ARL6IP5: variants seen among roughly 807,000 people sequenced by gnomAD.
ARL6IP5 encodes the protein ARF like GTPase 6 interacting protein 5.
In ARL6IP5, 6 loss-of-function variants were observed where a neutral mutation model predicts 13.0. The ratio of observed to expected loss-of-function variants is 0.46; its 90% confidence interval spans 0.25 to 0.91. The LOEUF is 0.91. ARL6IP5 is among the 40% of genes least tolerant of loss of function. The probability of loss-of-function intolerance (pLI) is 0.17; values close to 1 mark genes in which losing one functional copy is unlikely to be tolerated. For missense variants in ARL6IP5, 208 were observed against 248.8 expected (o/e 0.84, Z 1.10); for synonymous variants, 91 against 91.9 (o/e 0.99, Z 0.06).
chr3:69,103,821 A>G (rs548191999), intron 2 of ARL6IP5, among the ~76,000 whole-genome samples: 8 of 152,302 alleles, frequency 5.3e-5, no homozygotes, highest in Non-Finnish European at 1.0e-4. Context: ...TTACCTGTTT[A>G]AAATACAGAT....
chr3:69,087,909 C>T (rs568994033), intron 1 of ARL6IP5, among the ~76,000 whole-genome samples: 1 of 152,184 alleles, frequency 6.6e-6, no homozygotes, highest in Non-Finnish European at 1.5e-5. Flanking sequence ...ACTATAAGCA[C>T]AGTCAGTAGT....
chr3:69,103,638 G>C (rs561089903), intron 2 of ARL6IP5, among the ~76,000 whole-genome samples: 6 of 152,128 alleles, frequency 3.9e-5, no homozygotes, highest in African/African-American at 1.4e-4. Flanking sequence ...ACCTACATCA[G>C]AATCATCTGG....
chr3:69,098,083 CT>C (rs202107411), intron 1 of ARL6IP5, among the ~76,000 whole-genome samples: 16 of 147,016 alleles, frequency 1.1e-4, no homozygotes, highest in South Asian at 2.2e-4. Flanking sequence ...ATTTCTATTT[CT>C]TTTTTTTTTG....
At position 69,085,070 on chromosome 3, in the gene ARL6IP5, T is replaced by A; in HGVS notation, c.23T>A (p.Leu8His). 1.9e-6 allele frequency: 3 copies of A among 1,614,050 alleles called. No individual in the cohort carries two copies. Among genetic ancestry groups the A allele is most frequent in the Non-Finnish European group, 2.5e-6 (3 of 1,179,994 alleles). The change falls in exon 1 of 3, where the codon CTC becomes CAC. Residue 8 changes from leucine to histidine, a missense_variant. By Grantham distance (99) the Leu-to-His change is moderately conservative. Coordinates refer to ENST00000273258, the MANE Select transcript of ARL6IP5 (RefSeq NM_006407.4). ...AACATGGACGTTAATATCGCCCCAC[T>A]CCGCGCCTGGGACGATTTCTTCCCG... is the stretch of plus-strand genomic sequence containing the variant. MDVNIAP[L>H]RAWDDFFPGS...
intron 1 of ARL6IP5, among the ~76,000 whole-genome samples, chr3:69,087,536 A>G (rs1010040692): frequency 1.3e-5 from 2 of 152,168 alleles, no homozygotes; most frequent in African/African-American, 4.8e-5. Context: ...ACCAGGCACA[A>G]GCTCAGACAG....
At chr3:69,091,654 C>CTTTT (rs529198443) in intron 1 of ARL6IP5, among the ~76,000 whole-genome samples, 3 of 105,754 alleles carry the variant, frequency 2.8e-5, no homozygotes, top group Admixed American at 9.9e-5. Context: ...CTCCGTCCAG[C>CTTTT]TTTTTTTTTT....
At chr3:69,102,894 T>G (rs1017271643) in intron 2 of ARL6IP5, among the ~76,000 whole-genome samples, 2 of 152,172 alleles carry the variant, frequency 1.3e-5, no homozygotes, top group African/African-American at 4.8e-5. Context: ...TTACATGAAT[T>G]ATTTACTAAG....
chr3:69,086,247 G>A (rs2092247102), intron 1 of ARL6IP5, among the ~76,000 whole-genome samples: 1 of 152,200 alleles, frequency 6.6e-6, no homozygotes, highest in African/African-American at 2.4e-5. Flanking sequence ...TCTTCAGTTG[G>A]CTCGCAGTTA....
At chr3:69,091,654 CT>C (rs529198443) in intron 1 of ARL6IP5, among the ~76,000 whole-genome samples, 21,550 of 105,684 alleles carry the variant, frequency 0.2, 1,758 homozygotes, top group African/African-American at 0.31. Flanking sequence ...CTCCGTCCAG[CT>C]TTTTTTTTTT....
chr3:69,089,674 G>A (rs936190335), intron 1 of ARL6IP5: 4 of 342,712 alleles, frequency 1.2e-5, no homozygotes, highest in South Asian at 2.2e-5. Flanking sequence ...TCTGCCATTA[G>A]AACTCATATT....
chr3:69,093,033 G>A (rs898315783), intron 1 of ARL6IP5, among the ~76,000 whole-genome samples: 3 of 152,012 alleles, frequency 2.0e-5, no homozygotes, highest in African/African-American at 4.8e-5. Context: ...AGTTAAAAAG[G>A]GTTTTATGAA....
chr3:69,099,140 G>A (rs1394442883), intron 1 of ARL6IP5, among the ~76,000 whole-genome samples: 1 of 131,756 alleles, frequency 7.6e-6, no homozygotes, highest in African/African-American at 2.8e-5. Flanking sequence ...GGGGGGGGTG[G>A]GGGGTGGATC....
chr3:69,098,502 C>A (rs555546214), intron 1 of ARL6IP5, among the ~76,000 whole-genome samples: 7 of 152,104 alleles, frequency 4.6e-5, no homozygotes, highest in Non-Finnish European at 1.0e-4. Context: ...GCCTCAGCCT[C>A]CCAAAGTGCT....
chr3:69,086,757 C>T (rs2092248956), intron 1 of ARL6IP5, among the ~76,000 whole-genome samples: 2 of 141,188 alleles, frequency 1.4e-5, no homozygotes, highest in Non-Finnish European at 3.0e-5. Flanking sequence ...GAGCCTCGTT[C>T]TGTCGCCCAG....
intron 1 of ARL6IP5, among the ~76,000 whole-genome samples, chr3:69,097,457 A>G (rs768021474): frequency 1.3e-5 from 2 of 151,922 alleles, no homozygotes; most frequent in South Asian, 2.1e-4. Flanking sequence ...GATTACAGAC[A>G]TGAGCTACCA....
intron 1 of ARL6IP5, among the ~76,000 whole-genome samples, chr3:69,088,570 T>C (rs530493959): frequency 6.6e-6 from 1 of 152,286 alleles, no homozygotes; most frequent in East Asian, 1.9e-4. Flanking sequence ...TGGAAAAAAC[T>C]GCCCATACCA....
chr3:69,086,907 G>A (rs1277597892), intron 1 of ARL6IP5, among the ~76,000 whole-genome samples: 4 of 151,986 alleles, frequency 2.6e-5, no homozygotes, highest in African/African-American at 9.7e-5. Flanking sequence ...ATTTTTAGTA[G>A]AGACAAGGTT....
intron 2 of ARL6IP5, 32 bp downstream of exon 2, chr3:69,102,088 C>CA (rs761840185): frequency 2.5e-6 from 4 of 1,591,248 alleles, no homozygotes; most frequent in Non-Finnish European, 3.4e-6. Context: ...CTTCCATCAT[C>CA]AAAAAAATGT....
intron 1 of ARL6IP5, among the ~76,000 whole-genome samples, chr3:69,095,601 T>A (rs1487621873): frequency 2.0e-5 from 3 of 151,880 alleles, no homozygotes; most frequent in Non-Finnish European, 4.4e-5. Flanking sequence ...TTCAAGTGAT[T>A]CTCGTGTCTC....
Sources: allele counts gnomAD v4.1 joint callset (sites outside exome capture counted in the v4.1 genomes callset), GRCh38; gene constraint gnomAD v4.1.1; transcripts MANE v1.5; gene names NCBI Gene and HGNC (gene_info 2026-07-23, HGNC 2026-07-21).